SUPT6H: variants seen among roughly 807,000 people sequenced by gnomAD.
SUPT6H encodes the protein SPT6 homolog, histone chaperone and transcription elongation factor.
A neutral mutation model predicts 222.3 loss-of-function variants in SUPT6H; 11 were observed. The observed-to-expected ratio is 0.05, with a 90% CI of 0.03 to 0.08. The LOEUF (loss-of-function observed/expected upper bound fraction) is 0.08, where lower values mean the gene tolerates loss of function less well. Ranked by LOEUF, SUPT6H falls within the 10% of genes least tolerant of loss-of-function variation. The pLI is 1.00. For missense variants in SUPT6H, 1,422 were observed against 2,216.0 expected (o/e 0.64, Z 7.19); for synonymous variants, 762 against 801.2 (o/e 0.95, Z 0.83).
At chr17:28,667,433 A>ATG (rs1555546926) in intron 1 of SUPT6H, among the ~76,000 whole-genome samples, 2 of 134,918 alleles carry the variant, frequency 1.5e-5, no homozygotes, top group Non-Finnish European at 3.1e-5. Context: ...ATATATATAT[A>ATG]TATGTATGTG....
intron 20 of SUPT6H, 55 bp from the exon 21 acceptor site, chr17:28,686,599 T>C: frequency 6.5e-7 from 1 of 1,550,316 alleles, no homozygotes; most frequent in Admixed American, 2.0e-5. Flanking sequence ...AAGGCAGTCA[T>C]GAGACTGTCC....
Position 28,678,865 on chromosome 17 carries a change from T to G in SUPT6H, c.1251T>G (p.Phe417Leu). The G allele has an allele frequency of 6.2e-7, 1 of 1,614,222 alleles. No homozygotes were observed. The highest frequency in any genetic ancestry group is 8.5e-7 in the Non-Finnish European group (1 of 1,180,042). The part of the protein sequence containing the change: ...RIRKENLTRL[F>L]EKMQAYQYEQ... ...GTAAAGAGAACCTAACACGGCTGTT[T>G]GAGAAGATGCAGGCTTATCAGTATG... Residue 417 changes from phenylalanine to leucine, a missense_variant, in exon 11 of 37, where the codon TTT becomes TTG. Coordinates refer to ENST00000314616, the MANE Select transcript of SUPT6H (RefSeq NM_003170.5).
intron 3 of SUPT6H, 22 bp from the exon 4 acceptor site, chr17:28,674,515 G>A: frequency 6.2e-7 from 1 of 1,614,182 alleles, no homozygotes; most frequent in South Asian, 1.1e-5. Context: ...CCATCACCAT[G>A]GGCAACACTT....
chr17:28,683,928 T>G, intron 17 of SUPT6H, 112 bp downstream of exon 17: 1 of 987,942 alleles, frequency 1.0e-6, no homozygotes, highest in Non-Finnish European at 1.4e-6. Flanking sequence ...CTCTGCCTCC[T>G]AGGTTGATGC....
At chr17:28,690,039 G>T (rs753104810) in intron 25 of SUPT6H, 43 bp from the exon 26 acceptor site, 2 of 1,587,382 alleles carry the variant, frequency 1.3e-6, no homozygotes, top group African/African-American at 2.7e-5. Context: ...GGCTCAGGTT[G>T]GGGGGCAGCT....
chr17:28,667,809 A>G (rs756040243), intron 1 of SUPT6H, among the ~76,000 whole-genome samples: 1 of 151,778 alleles, frequency 6.6e-6, no homozygotes, highest in African/African-American at 2.4e-5. Flanking sequence ...GTTTTTTGAG[A>G]TAGATTGTGA....
chr17:28,681,161 G>A (rs1454287010), intron 11 of SUPT6H, 95 bp from the exon 12 acceptor site: 1 of 1,385,324 alleles, frequency 7.2e-7, no homozygotes, highest in Non-Finnish European at 1.0e-6. Flanking sequence ...ATTTTAGTTG[G>A]GATACTGCCT....
intron 32 of SUPT6H, 65 bp downstream of exon 32, chr17:28,698,095 G>A: frequency 8.4e-6 from 13 of 1,556,192 alleles, no homozygotes; most frequent in Non-Finnish European, 1.1e-5. Context: ...GGCAGGGAGA[G>A]GCCCGGAGCA....
rs1567706920 is a variant in SUPT6H at position 28,699,851 on chromosome 17, C to T, written c.4519C>T (p.Leu1507=). ...RGQIFPTVNG[L]FRWFKDHYQD... is the part of the protein sequence containing the mutation. The stretch of plus-strand genomic sequence containing the variant: ...CCAGATCTTCCCAACCGTGAATGGA[C>T]TGTTTAGATGGTTTAAGGATCACTA... Residue 1507 remains leucine, a synonymous_variant, in exon 33 of 37, where the codon CTG becomes TTG. Coordinates refer to ENST00000314616, the MANE Select transcript of SUPT6H (RefSeq NM_003170.5). The T allele has an allele frequency of 6.2e-7, 1 of 1,614,080 alleles. No homozygotes were observed. The highest frequency in any genetic ancestry group is 8.5e-7 in the Non-Finnish European group (1 of 1,180,032).
Position 28,695,399 on chromosome 17 carries a change from G to A in SUPT6H, c.3822G>A (p.Lys1274=), listed in dbSNP as rs554444658. 6 of 1,614,094 alleles carry A rather than the reference G, an allele frequency of 3.7e-6. No homozygotes were observed. The African/African-American group carries it at 5.3e-5, about 14-fold the overall frequency. ...HCRIMKIDIE[K]FSADLTCRTS... is the part of the protein sequence containing the mutation. ...GCATCATGAAGATTGACATTGAGAA[G>A]TTCAGTGCAGACCTGACCTGCCGCA... is the stretch of plus-strand genomic sequence containing the variant. Residue 1274 remains lysine (K), a synonymous_variant, in exon 29 of 37, where the codon AAG becomes AAA. Transcript: ENST00000314616.
chr17:28,670,895 AAAG>A (rs2030374711), intron 1 of SUPT6H: 1 of 152,756 alleles, frequency 6.5e-6, no homozygotes, highest in African/African-American at 2.4e-5. Flanking sequence ...CAAAAAAAAA[AAAG>A]AAAGAAAATG....
chr17:28,680,803 A>G (rs981680617), intron 11 of SUPT6H, among the ~76,000 whole-genome samples: 4 of 152,050 alleles, frequency 2.6e-5, no homozygotes, highest in Admixed American at 1.3e-4. Context: ...ACCTGCCACT[A>G]TACCCTGCTA....
intron 1 of SUPT6H, chr17:28,670,440 ATATT>A (rs1276318548): frequency 6.6e-6 from 1 of 152,116 alleles, no homozygotes. Context: ...AGAGAGACCC[ATATT>A]ATTTTGATTG....
At position 28,700,148 on chromosome 17, in the gene SUPT6H, G is replaced by A. The variant is rs183082411; in HGVS notation, c.4562-25G>A. 76 of 1,614,110 alleles carry A rather than the reference G, an allele frequency of 4.7e-5. No individual in the cohort carries two copies. In the African/African-American group the frequency reaches 8.3e-4, roughly 18 times the overall value. On this transcript the variant is annotated intron_variant, in intron 33 of 36. Transcript: ENST00000314616. ...ACCAAAAATAGGTTTCTGGAGGGATGTAACTAAATAATCACTTCCTGCAGG... is the reference window on the plus strand; with the variant it reads ...ACCAAAAATAGGTTTCTGGAGGGATATAACTAAATAATCACTTCCTGCAGG...
chr17:28,698,658 C>T (rs372293760), intron 32 of SUPT6H, among the ~76,000 whole-genome samples: 2 of 152,256 alleles, frequency 1.3e-5, no homozygotes, highest in East Asian at 1.9e-4. Flanking sequence ...GCTTCTCTGC[C>T]TAAGCCCTGC....
At chr17:28,692,933 A>G (rs372938756) in intron 27 of SUPT6H, among the ~76,000 whole-genome samples, 32 of 122,998 alleles carry the variant, frequency 2.6e-4, no homozygotes, top group East Asian at 7.5e-4. Context: ...CCCGGGAGGC[A>G]GAGCTTGCAG....
In SUPT6H at chr17:28,681,378, G is replaced by A. The variant is rs147715491; in HGVS notation, c.1472G>A (p.Arg491His). Residue 491 changes from arginine to histidine, a missense_variant, in exon 12 of 37, where the codon CGT becomes CAT. Arg to His is a conservative substitution (Grantham distance 29). Around this residue, in one of 13 missense-constraint regions of SUPT6H, gnomAD observed 389 missense variants for 544.6 expected, o/e 0.71. Coordinates refer to ENST00000314616, the MANE Select transcript of SUPT6H (RefSeq NM_003170.5). ...AAAGCTAGCCGCAAGAAGCTGAAGC[G>A]TGTCAGGGAAGAGGGAGATGAAGAA... ...AAKASRKKLK[R>H]VREEGDEEGE... 126 of 1,608,870 alleles carry A rather than the reference G, an allele frequency of 7.8e-5. No individual in the cohort carries two copies. Among genetic ancestry groups the A allele is most frequent in the South Asian group, 7.0e-4 (63 of 90,146 alleles).
chr17:28,673,605 T>G, intron 2 of SUPT6H, 95 bp downstream of exon 2: 1 of 890,046 alleles, frequency 1.1e-6, no homozygotes, highest in Non-Finnish European at 1.8e-6. Flanking sequence ...AGCACAGAAG[T>G]TATCACACAT....
chr17:28,692,589 G>A (rs2031718207), intron 27 of SUPT6H, among the ~76,000 whole-genome samples: 1 of 148,078 alleles, frequency 6.8e-6, no homozygotes, highest in South Asian at 2.2e-4. Context: ...AAAAGAGGAT[G>A]GGGCACAGTC....
Sources: allele counts gnomAD v4.1 joint callset (sites outside exome capture counted in the v4.1 genomes callset), GRCh38; gene constraint gnomAD v4.1.1; regional missense constraint gnomAD v4.1.1; transcripts MANE v1.5; gene names NCBI Gene and HGNC (gene_info 2026-07-23, HGNC 2026-07-21).